The following SOD2 variants were observed in gnomAD, a reference collection of about 807,000 sequenced individuals.
The protein encoded by SOD2 is superoxide dismutase [Mn], mitochondrial.
SOD2 carries 11 observed loss-of-function variants against 27.0 expected under a neutral mutation model. The ratio of observed to expected loss-of-function variants is 0.41; its 90% CI spans 0.26 to 0.67. The LOEUF (loss-of-function observed/expected upper bound fraction) is 0.67. Among genes scored for constraint, SOD2 ranks in the 30% least tolerant of loss-of-function variants. The pLI is 0.34. For missense variants in SOD2, 250 were observed against 274.5 expected (o/e 0.91, Z 0.63); for synonymous variants, 105 against 103.0 (o/e 1.02, Z -0.12).
chr6:159,693,221 G>A lies in SOD2; in HGVS notation c.-54C>T. On this transcript the variant is annotated 5_prime_UTR_variant, in exon 1 of 5. Transcript: ENST00000538183. ...CCGCCGATCTGCTGAAGCCGCTGCC[G>A]AAGCCACCACAGCCACGAGTGCCGC... 2 of 1,488,058 alleles carry A rather than the reference G, an allele frequency of 1.3e-6. No homozygotes were observed. Among genetic ancestry groups the A allele is most frequent in the Non-Finnish European group, 9.0e-7 (1 of 1,108,106 alleles). The allele number at this position is 1,488,058 out of a possible 1,614,324, so 92.2% of individuals were successfully genotyped here.
chr6:159,760,246 C>T (rs1323710437), intron 1 of SOD2: 1 of 152,118 alleles, frequency 6.6e-6, no homozygotes, highest in Non-Finnish European at 1.5e-5. Flanking sequence ...AGTTTGGTTT[C>T]AATATGTCAA....
At chr6:159,714,317 C>G (rs755769129) in intron 1 of SOD2, among the ~76,000 whole-genome samples, 1 of 152,136 alleles carries the variant, frequency 6.6e-6, no homozygotes, top group Non-Finnish European at 1.5e-5. Context: ...ACCCAATGAC[C>G]TTGGACTTCC....
chr6:159,671,342 C>A lies in SOD2; in HGVS notation c.*11151G>T. On this transcript the variant is annotated 3_prime_UTR_variant, in exon 5 of 5. Transcript: ENST00000538183. Reference sequence around the variant, plus strand: ...GAGTAGCCTAACTGGGAGGCACCCCCAAGTAGGGGCAGACTGACACCCCAC... The same window carrying A: ...GAGTAGCCTAACTGGGAGGCACCCCAAAGTAGGGGCAGACTGACACCCCAC... The A allele has an allele frequency of 6.6e-6, 1 of 152,536 alleles. No homozygotes were observed. Among genetic ancestry groups the A allele is most frequent in the Non-Finnish European group, 1.5e-5 (1 of 68,230 alleles). The allele number at this position is 152,536 out of a possible 1,614,324, so 9.4% of individuals were successfully genotyped here. A position where few individuals can be genotyped will look rare whatever the true frequency, so the allele number is the denominator to read the frequency against.
Position 159,672,135 on chromosome 6 carries a change from C to A in SOD2, c.*10358G>T, listed in dbSNP as rs998090786. ...GTCTGATTGGTGTACCTGAAAGTGA[C>A]GGGGAGAATGGAACCAAGCTGGAAA... On this transcript the variant is annotated 3_prime_UTR_variant, in exon 5 of 5. Transcript: ENST00000538183. 5.3e-5 allele frequency: 8 copies of A among 152,114 alleles called. No individual in the cohort carries two copies. The highest frequency in any genetic ancestry group is 8.8e-5 in the Non-Finnish European group (6 of 68,038). 9.4% of individuals were successfully genotyped at this position (152,114 alleles called of 1,614,324 possible). A position where few individuals can be genotyped will look rare whatever the true frequency, so the allele number is the denominator to read the frequency against.
intron 1 of SOD2, chr6:159,742,009 G>T: frequency 9.5e-7 from 1 of 1,053,124 alleles, no homozygotes; most frequent in Non-Finnish European, 1.4e-6. Flanking sequence ...ACTAAAATCT[G>T]TGAGTTTATA....
chr6:159,731,850 ACTTT>A (rs1778590262), upstream of SOD2, among the ~76,000 whole-genome samples: 2 of 152,218 alleles, frequency 1.3e-5, no homozygotes, highest in Admixed American at 6.5e-5. Flanking sequence ...GGTTATCAGA[ACTTT>A]CTTCATGTGT....
At chr6:159,687,729 C>G (rs1348666577) in intron 3 of SOD2, among the ~76,000 whole-genome samples, 3 of 152,018 alleles carry the variant, frequency 2.0e-5, no homozygotes, top group Non-Finnish European at 4.4e-5. Flanking sequence ...GTAACTTAGG[C>G]CAGGCACGGT....
chr6:159,732,826 G>A (rs1778657700), intron 1 of SOD2, among the ~76,000 whole-genome samples: 1 of 151,796 alleles, frequency 6.6e-6, no homozygotes, highest in African/African-American at 2.4e-5. Flanking sequence ...CGCAGGGGGA[G>A]GGGGAGTGTC....
intron 1 of SOD2, chr6:159,725,820 T>C (rs1778152826): frequency 6.6e-6 from 1 of 152,114 alleles, no homozygotes; most frequent in South Asian, 2.1e-4. Flanking sequence ...TGCTTATTTT[T>C]GCTTTTGAAT....
chr6:159,729,823 T>C (rs1053972233), upstream of SOD2, among the ~76,000 whole-genome samples: 2 of 152,244 alleles, frequency 1.3e-5, no homozygotes, highest in Non-Finnish European at 2.9e-5. Flanking sequence ...CCGTGTCTTC[T>C]TACTGAAGTT....
At chr6:159,695,121 C>G (rs1777397743), upstream of SOD2, among the ~76,000 whole-genome samples, 1 of 151,946 alleles carries the variant, frequency 6.6e-6, no homozygotes, top group Non-Finnish European at 1.5e-5. Flanking sequence ...AGGGCACTAG[C>G]TATGAGAACT....
intron 4 of SOD2, among the ~76,000 whole-genome samples, chr6:159,684,054 T>C (rs1446101350): frequency 1.3e-5 from 2 of 152,138 alleles, no homozygotes; most frequent in Admixed American, 6.5e-5. Context: ...AGCAAAGTAT[T>C]TGGTGAGCCC....
upstream of SOD2, among the ~76,000 whole-genome samples, chr6:159,747,798 G>A (rs1371173444): frequency 6.6e-6 from 1 of 152,082 alleles, no homozygotes; most frequent in Non-Finnish European, 1.5e-5. Flanking sequence ...TTTTGGTAAT[G>A]TTTGGATTGT....
At chr6:159,758,416 C>T (rs1780059253) in intron 1 of SOD2, among the ~76,000 whole-genome samples, 1 of 152,174 alleles carries the variant, frequency 6.6e-6, no homozygotes, top group Non-Finnish European at 1.5e-5. Context: ...GTTTCCTTGG[C>T]TCCTCAGGTG....
At chr6:159,727,262 T>C in exon 1 of SOD2, 1 of 1,282,970 alleles carries the variant, frequency 7.8e-7, no homozygotes, top group Non-Finnish European at 1.0e-6. Flanking sequence ...CTCCCTCCCT[T>C]CACCTTTCCT....
In SOD2 at chr6:159,677,952, G is replaced by C. The variant is rs73599322; in HGVS notation, c.*4541C>G. ...GCCTCTAGGTAGCTTCAGGACGGGGGGCTGCTTACCAGAAAGACCAAGGCA... is the reference window on the plus strand; with the variant it reads ...GCCTCTAGGTAGCTTCAGGACGGGGCGCTGCTTACCAGAAAGACCAAGGCA... On this transcript the variant is annotated 3_prime_UTR_variant, in exon 5 of 5. Coordinates refer to ENST00000538183, the MANE Select transcript of SOD2 (RefSeq NM_000636.4). 0.055 allele frequency: 8,323 copies of C among 152,154 alleles called. 265 individuals are homozygous for C. The highest frequency in any genetic ancestry group is 0.11 in the Middle Eastern group (32 of 294). The allele number at this position is 152,154 out of a possible 1,614,324, so 9.4% of individuals were successfully genotyped here.
At chr6:159,760,412 G>GGCGCACGGCACC (rs1157918655) in intron 1 of SOD2, 5 of 152,192 alleles carry the variant, frequency 3.3e-5, no homozygotes, top group Admixed American at 6.5e-5. Context: ...TGGGATTACA[G>GGCGCACGGCACC]GCGCACGGCA....
intron 1 of SOD2, among the ~76,000 whole-genome samples, chr6:159,744,571 C>G (rs1779457707): frequency 6.6e-6 from 1 of 152,202 alleles, no homozygotes; most frequent in Non-Finnish European, 1.5e-5. Context: ...AAGGTTCAGT[C>G]ACAGTCCTTT....
chr6:159,742,066 T>C (rs1390076329), intron 1 of SOD2: 5 of 1,544,296 alleles, frequency 3.2e-6, no homozygotes, highest in South Asian at 1.2e-5. Context: ...TAACAACTAA[T>C]GTATGGATTT....
Sources: allele counts gnomAD v4.1 joint callset (sites outside exome capture counted in the v4.1 genomes callset), GRCh38; gene constraint gnomAD v4.1.1; transcripts MANE v1.5; gene names NCBI Gene and HGNC (gene_info 2026-07-23, HGNC 2026-07-21).